MMP16: variants seen among roughly 807,000 people sequenced by gnomAD.
The protein encoded by MMP16 is matrix metalloproteinase-16.
Under a neutral mutation model 67.8 loss-of-function variants are expected in MMP16, and 12 were observed. That is an observed-to-expected ratio of 0.18 (90% CI 0.11 to 0.29). The LOEUF is 0.29. Among genes scored for constraint, MMP16 ranks in the 10% least tolerant of loss-of-function variants. MMP16 has a pLI of 1.00. For synonymous variants in MMP16, 249 were observed against 255.9 expected, an observed-to-expected ratio of 0.97 and a Z score of 0.26; for missense variants, 475 against 765.7, an observed-to-expected ratio of 0.62 and a Z score of 4.48.
chr8:88,042,546 C>A (rs1262101616), intron 9 of MMP16, among the ~76,000 whole-genome samples: 1 of 152,190 alleles, frequency 6.6e-6, no homozygotes, highest in Admixed American at 6.5e-5. Flanking sequence ...TAATTTGTGT[C>A]ACCTAGCTAT....
At position 88,112,996 on chromosome 8, in the gene MMP16, T is replaced by C. The variant is rs1463517289; in HGVS notation, c.1083+3511A>G. On this transcript the variant is annotated intron_variant, in intron 6 of 9. Coordinates refer to ENST00000286614, the MANE Select transcript of MMP16 (RefSeq NM_005941.5). The stretch of plus-strand genomic sequence containing the variant: ...AATCTTTGGGCAAGGAATAACAACT[T>C]ACCAAAATAAAATGCTTCAGGGATT... Among the ~76,000 whole-genome samples, 2 of 151,800 alleles carry C rather than the reference T, an allele frequency of 1.3e-5. 1 individual carries two copies.
chr8:88,324,355 T>C (rs1269414920), intron 1 of MMP16, among the ~76,000 whole-genome samples: 1 of 152,090 alleles, frequency 6.6e-6, no homozygotes, highest in Non-Finnish European at 1.5e-5. Flanking sequence ...CATGAATACC[T>C]CTAGCCAACC....
chr8:88,226,529 G>T (rs1441059778), intron 1 of MMP16, among the ~76,000 whole-genome samples: 1 of 152,000 alleles, frequency 6.6e-6, no homozygotes, highest in African/African-American at 2.4e-5. Flanking sequence ...ATTTAACATG[G>T]GTTGTTCAGT....
intron 3 of MMP16, among the ~76,000 whole-genome samples, chr8:88,171,585 T>C (rs1375809216): frequency 6.6e-6 from 1 of 152,164 alleles, no homozygotes; most frequent in Non-Finnish European, 1.5e-5. Flanking sequence ...AGAATAAAGA[T>C]AGCTGGTTAA....
chr8:88,117,765 A>T (rs1393803108), intron 5 of MMP16, among the ~76,000 whole-genome samples: 1 of 152,070 alleles, frequency 6.6e-6, no homozygotes, highest in Non-Finnish European at 1.5e-5. Context: ...AAACTAATGA[A>T]TGCAAAAACG....
chr8:88,300,100 T>G (rs1263617049), intron 1 of MMP16, among the ~76,000 whole-genome samples: 1 of 152,164 alleles, frequency 6.6e-6, no homozygotes, highest in East Asian at 1.9e-4. Context: ...AAGTGGTATC[T>G]CTGGAAAAGA....
At chr8:88,050,471 AC>A (rs1808255742) in intron 8 of MMP16, among the ~76,000 whole-genome samples, 2 of 152,346 alleles carry the variant, frequency 1.3e-5, no homozygotes, top group East Asian at 3.9e-4. Flanking sequence ...AGAAATAACT[AC>A]ACGTCATGTA....
chr8:88,063,482 C>T (rs544172906), intron 7 of MMP16, among the ~76,000 whole-genome samples: 3 of 136,794 alleles, frequency 2.2e-5, no homozygotes, highest in South Asian at 2.4e-4. Context: ...ACCTAATAAC[C>T]TTTTTTTTTT....
chr8:88,109,735 T>C (rs925006969), intron 6 of MMP16, among the ~76,000 whole-genome samples: 8 of 151,288 alleles, frequency 5.3e-5, no homozygotes, highest in East Asian at 1.9e-4. Context: ...TTTTGAAGTA[T>C]GAATTGTGAA....
chr8:88,249,897 T>C (rs1049415088), intron 1 of MMP16, among the ~76,000 whole-genome samples: 3 of 152,104 alleles, frequency 2.0e-5, no homozygotes, highest in Non-Finnish European at 1.5e-5. Context: ...AGTTTAAAAT[T>C]TTGCCTATTC....
At chr8:88,188,326 A>T (rs1175203527) in intron 2 of MMP16, among the ~76,000 whole-genome samples, 2 of 152,226 alleles carry the variant, frequency 1.3e-5, no homozygotes, top group Non-Finnish European at 1.5e-5. Flanking sequence ...ATCTTTACTT[A>T]TCTCATTGAA....
intron 1 of MMP16, among the ~76,000 whole-genome samples, chr8:88,302,825 G>A (rs948112470): frequency 1.3e-5 from 2 of 152,160 alleles, no homozygotes; most frequent in African/African-American, 4.8e-5. Context: ...CCAGGTTCTC[G>A]CACTGGCACT....
At chr8:88,181,577 T>G (rs1483130127) in intron 3 of MMP16, among the ~76,000 whole-genome samples, 1 of 151,154 alleles carries the variant, frequency 6.6e-6, no homozygotes, top group African/African-American at 2.4e-5. Flanking sequence ...TTTTATATAT[T>G]TAATATATAA....
intron 4 of MMP16, among the ~76,000 whole-genome samples, chr8:88,141,349 G>GA (rs1808207588): frequency 6.6e-6 from 1 of 152,116 alleles, no homozygotes. Context: ...TCAGTATTAA[G>GA]AAAGTATATA....
At chr8:88,202,205 C>A (rs970746268) in intron 1 of MMP16, among the ~76,000 whole-genome samples, 1 of 152,088 alleles carries the variant, frequency 6.6e-6, no homozygotes, top group African/African-American at 2.4e-5. Flanking sequence ...AATAGTGAAA[C>A]AACCAAAAGT....
At position 88,074,703 on chromosome 8, in the gene MMP16, T is replaced by C. The variant is rs1240326844; in HGVS notation, c.1124A>G (p.Asp375Gly). 1 of 1,613,424 alleles carries C rather than the reference T, an allele frequency of 6.2e-7. No individual in the cohort carries two copies. The highest frequency in any genetic ancestry group is 8.5e-7 in the Non-Finnish European group (1 of 1,179,586). Residue 375 changes from aspartate to glycine, a missense_variant, in exon 7 of 10, where the codon GAT (aspartate) becomes GGT (glycine). Coordinates refer to ENST00000286614, the MANE Select transcript of MMP16 (RefSeq NM_005941.5). ...FWRVRNNRVM[D>G]GYPMQITYFW... is the part of the protein sequence containing the mutation. ...GTAAGTAATTTGCATTGGGTATCCA[T>C]CCATCACCCTGTTGTTTCTCACTCG...
intron 4 of MMP16, among the ~76,000 whole-genome samples, chr8:88,121,300 AC>A (rs1807825586): frequency 6.6e-6 from 1 of 151,932 alleles, no homozygotes; most frequent in Non-Finnish European, 1.5e-5. Context: ...CAGGATATGA[AC>A]TTACGACCTG....
intron 1 of MMP16, among the ~76,000 whole-genome samples, chr8:88,235,124 T>TA (rs2129882741): frequency 6.6e-6 from 1 of 152,228 alleles, no homozygotes; most frequent in South Asian, 2.1e-4. Context: ...ACTGACTTTT[T>TA]AAAAAAGTTT....
chr8:88,070,504 C>T (rs1808534856), intron 7 of MMP16, among the ~76,000 whole-genome samples: 1 of 152,078 alleles, frequency 6.6e-6, no homozygotes, highest in South Asian at 2.1e-4. Context: ...TGAGTAGTTT[C>T]CTTATAGACA....
Sources: gnomAD v4.1 joint callset for allele counts (sites outside exome capture counted in the v4.1 genomes callset) on GRCh38, gnomAD v4.1.1 for gene constraint, MANE v1.5 for transcripts, NCBI Gene and HGNC (gene_info 2026-07-23, HGNC 2026-07-21) for gene names.